LRP4: variants seen among roughly 807,000 people sequenced by gnomAD.
LRP4 encodes the protein LDL receptor related protein 4.
In LRP4, 95 loss-of-function variants were observed where a neutral mutation model predicts 220.3. The observed-to-expected ratio is 0.43, with a 90% CI of 0.37 to 0.51. The LOEUF (loss-of-function observed/expected upper bound fraction) is 0.51, where lower values mean the gene tolerates loss of function less well. LRP4 is among the 20% of genes least tolerant of loss of function. The probability of loss-of-function intolerance (pLI) is 0.00; values close to 1 mark genes in which losing one functional copy is unlikely to be tolerated. For missense variants in LRP4, 1,925 were observed against 2,567.0 expected (o/e 0.75, Z 5.40); for synonymous variants, 903 against 954.6 (o/e 0.95, Z 1.00).
Position 46,898,994 on chromosome 11 carries a change from A to G in LRP4, c.586T>C (p.Phe196Leu), listed in dbSNP as rs1175337499. Residue 196 changes from phenylalanine (F) to leucine (L), a missense_variant, in exon 6 of 38, where the codon TTC becomes CTC. By Grantham distance (22) the Phe-to-Leu change is conservative. Coordinates refer to ENST00000378623, the MANE Select transcript of LRP4 (RefSeq NM_002334.4). ...VPAPPCNLEE[F>L]QCAYGRCILD... is the part of the protein sequence containing the mutation. ...ATGCAGCGTCCATAGGCACACTGGA[A>G]CTCCTCCAGGTTGCAGGGGGGCGCT... 12 of 1,613,556 alleles carry G rather than the reference A, an allele frequency of 7.4e-6. No homozygotes were observed. Among genetic ancestry groups the G allele is most frequent in the Non-Finnish European group, 1.0e-5 (12 of 1,179,932 alleles).
At chr11:46,874,696 C>G (rs957269876) in intron 28 of LRP4, 104 bp downstream of exon 28, 2 of 962,154 alleles carry the variant, frequency 2.1e-6, no homozygotes, top group African/African-American at 1.6e-5. Context: ...ACTCACTATC[C>G]AAAGTGCCAA....
At position 46,859,419 on chromosome 11, in the gene LRP4, C is replaced by T. The variant is rs373982590; in HGVS notation, c.5386-104G>A. On this transcript the variant is annotated intron_variant, in intron 37 of 37. Coordinates refer to ENST00000378623, the MANE Select transcript of LRP4 (RefSeq NM_002334.4). ...GGATGGGGTAAGAGTAGGAGTGAAG[C>T]GCACAAAAATCCCACAAACAAATGG... 356 of 857,466 alleles carry T rather than the reference C, an allele frequency of 4.2e-4. No individual in the cohort carries two copies. In the African/African-American group the frequency reaches 4.6e-3, roughly 11 times the overall value. The allele number at this position is 857,466 out of a possible 1,614,324, so 53.1% of individuals were successfully genotyped here. A position where few individuals can be genotyped will look rare whatever the true frequency, so the allele number is the denominator to read the frequency against.
At chr11:46,897,334 C>CTTTTTTTTTT (rs60604776) in intron 7 of LRP4, among the ~76,000 whole-genome samples, 1 of 128,070 alleles carries the variant, frequency 7.8e-6, no homozygotes, top group Non-Finnish European at 1.6e-5. Flanking sequence ...GCCTGTTTGT[C>CTTTTTTTTTT]TTTTTTTTTT....
chr11:46,879,358 C>T, intron 20 of LRP4, 43 bp from the exon 21 acceptor site: 1 of 1,602,312 alleles, frequency 6.2e-7, no homozygotes, highest in Non-Finnish European at 8.5e-7. Context: ...CAAAGTCTGA[C>T]AGTACAGAGC....
chr11:46,886,547 G>A lies in LRP4; in HGVS notation c.2216-14C>T, dbSNP rs369714698. 2.8e-5 allele frequency: 45 copies of A among 1,608,352 alleles called. No individual in the cohort carries two copies. Among genetic ancestry groups the A allele is most frequent in the Admixed American group, 1.2e-4 (7 of 59,914 alleles). On this transcript the variant is annotated splice_polypyrimidine_tract_variant and intron_variant, in intron 16 of 37. Coordinates refer to ENST00000378623, the MANE Select transcript of LRP4 (RefSeq NM_002334.4). The stretch of plus-strand genomic sequence containing the variant: ...ACTTGTCAAGACCTGATCAAAGGCC[G>A]AAAGGGGTCTTCTTTTAATGCTCTA...
At chr11:46,877,444 T>A in intron 22 of LRP4, 105 bp from the exon 23 acceptor site, 1 of 1,180,562 alleles carries the variant, frequency 8.5e-7, no homozygotes, top group Non-Finnish European at 1.3e-6. Flanking sequence ...AGTTTCTAGC[T>A]ATGTTATTCT....
chr11:46,863,605 A>T (rs1940616564), intron 36 of LRP4, among the ~76,000 whole-genome samples: 1 of 150,020 alleles, frequency 6.7e-6, no homozygotes, highest in African/African-American at 2.5e-5. Flanking sequence ...AAAAAAAAAA[A>T]AAAATTAGCT....
Sources: allele counts gnomAD v4.1 joint callset (sites outside exome capture counted in the v4.1 genomes callset), GRCh38; gene constraint gnomAD v4.1.1; transcripts MANE v1.5; gene names NCBI Gene and HGNC (gene_info 2026-07-23, HGNC 2026-07-21).